FREM3: variants seen among roughly 807,000 people sequenced by gnomAD.
FREM3 encodes FRAS1 related extracellular matrix 3.
A neutral mutation model predicts 129.1 loss-of-function variants in FREM3; 105 were observed. The ratio of observed to expected loss-of-function variants is 0.81; its 90% CI spans 0.69 to 0.96. The LOEUF is 0.96. Among genes scored for constraint, FREM3 ranks in the 40% least tolerant of loss-of-function variants. The pLI, the probability that FREM3 is intolerant of heterozygous loss-of-function variation, is 0.00. For missense variants in FREM3, 2,593 were observed against 2,666.3 expected (o/e 0.97, Z 0.61); for synonymous variants, 1,014 against 1,044.9 (o/e 0.97, Z 0.57).
chr4:143,659,373 G>A (rs1739661698), intron 2 of FREM3, among the ~76,000 whole-genome samples: 2 of 151,924 alleles, frequency 1.3e-5, no homozygotes, highest in Non-Finnish European at 2.9e-5. Flanking sequence ...ATAGTTTACT[G>A]AGAATGATGA....
chr4:143,612,125 T>C (rs922677698), intron 5 of FREM3, among the ~76,000 whole-genome samples: 6 of 152,236 alleles, frequency 3.9e-5, no homozygotes, highest in Admixed American at 2.6e-4. Context: ...GATTCACCAA[T>C]GTAAATGCAC....
intron 1 of FREM3, among the ~76,000 whole-genome samples, chr4:143,694,746 T>C (rs1467899291): frequency 2.0e-5 from 3 of 152,258 alleles, no homozygotes; most frequent in Non-Finnish European, 4.4e-5. Flanking sequence ...TCATTTGCTT[T>C]AGAAGCAATT....
chr4:143,624,255 G>A lies in FREM3; in HGVS notation c.5506C>T (p.Gln1836Ter). The A allele has an allele frequency of 1.3e-6, 2 of 1,536,908 alleles. No homozygotes were observed. The highest frequency in any genetic ancestry group is 8.7e-7 in the Non-Finnish European group (1 of 1,146,618). ...CTCACCCTCCATGTGGCTGTAGTCTGTCCAGGATTGAACTGGATCTGTTTA... is the reference window on the plus strand; with the variant it reads ...CTCACCCTCCATGTGGCTGTAGTCTATCCAGGATTGAACTGGATCTGTTTA... ...TNKQIQFNPG[Q>*]TTATWRVRII... Residue 1836 changes from glutamine to a stop codon, truncating the protein, a stop_gained, in exon 4 of 8, where the codon CAG becomes TAG. Coordinates refer to ENST00000329798, the MANE Select transcript of FREM3 (RefSeq NM_001168235.2). LOFTEE classifies it high-confidence loss of function.
Position 143,577,752 on chromosome 4 carries a change from A to G in FREM3, c.6279T>C (p.Pro2093=), listed in dbSNP as rs1057316547. The change falls in exon 8 of 8, where the codon CCT becomes CCC. Residue 2093 remains proline (P), a synonymous_variant. Transcript: ENST00000329798. ...CAAACTTCTCTGGGCCTTCCAAGGT[A>G]GGCTGTCCCAGGTCATCAAGGATGG... ...QVTILDDLGQ[P]TLEGPEKFEL... is the part of the protein sequence containing the mutation. The G allele has an allele frequency of 2.6e-6, 4 of 1,537,216 alleles. No individual in the cohort carries two copies. The highest frequency in any genetic ancestry group is 3.5e-6 in the Non-Finnish European group (4 of 1,146,930).
chr4:143,640,961 G>C (rs1291526759), intron 2 of FREM3, among the ~76,000 whole-genome samples: 1 of 152,058 alleles, frequency 6.6e-6, no homozygotes. Context: ...TGGTCATATA[G>C]AGTTGTACTT....
intron 2 of FREM3, among the ~76,000 whole-genome samples, chr4:143,689,631 A>G (rs936740277): frequency 1.3e-5 from 2 of 152,142 alleles, no homozygotes; most frequent in South Asian, 2.1e-4. Flanking sequence ...GGAACCAACC[A>G]AAATGACCAT....
intron 2 of FREM3, among the ~76,000 whole-genome samples, chr4:143,663,705 A>T (rs1198089291): frequency 1.3e-5 from 2 of 152,110 alleles, no homozygotes; most frequent in South Asian, 2.1e-4. Flanking sequence ...CATTCTACCC[A>T]TCACTTTCAG....
chr4:143,649,024 A>G lies in FREM3; in HGVS notation c.5276-21264T>C, dbSNP rs1003432679. On this transcript the variant is annotated intron_variant, in intron 2 of 7. Transcript: ENST00000329798. ...TGTGATCCTCCTGTCTTGGCTTCCA[A>G]AAGCACTGGGATCACAGGTATAAAC... 2.0e-5 allele frequency among the ~76,000 whole-genome samples: 3 copies of G among 152,238 alleles called. No homozygotes were observed. In the South Asian group the frequency reaches 6.2e-4, roughly 32 times the overall value.
intron 2 of FREM3, among the ~76,000 whole-genome samples, chr4:143,631,961 A>G (rs1739147999): frequency 6.6e-6 from 1 of 152,176 alleles, no homozygotes; most frequent in African/African-American, 2.4e-5. Flanking sequence ...AGTAATTCTG[A>G]TAACCTAAAA....
In FREM3 at chr4:143,700,062, G is replaced by A; in HGVS notation, c.614C>T (p.Thr205Ile). ...AAGTGGGGTAAGCCGGCACCTGCGGGTGGCCGTGGCTCCAGACTTCAGGGA... is the reference window on the plus strand; with the variant it reads ...AAGTGGGGTAAGCCGGCACCTGCGGATGGCCGTGGCTCCAGACTTCAGGGA... ...FASLKSGATA[T>I]RRCRLTPLPH... The change falls in exon 1 of 8, where the codon ACC becomes ATC. Residue 205 changes from threonine (T) to isoleucine (I), a missense_variant. Physicochemically the swap from Thr to Ile is moderately conservative, Grantham distance 89. This residue lies in a region of FREM3 where 2,276 missense variants were observed against 2,267.2 expected (regional missense o/e 1.00). Coordinates refer to ENST00000329798, the MANE Select transcript of FREM3 (RefSeq NM_001168235.2). 1.3e-6 allele frequency: 2 copies of A among 1,523,532 alleles called. No individual in the cohort carries two copies. The highest frequency in any genetic ancestry group is 1.8e-6 in the Non-Finnish European group (2 of 1,137,172). The allele number at this position is 1,523,532 out of a possible 1,614,324, so 94.4% of individuals were successfully genotyped here. A position where few individuals can be genotyped will look rare whatever the true frequency, so the allele number is the denominator to read the frequency against.
At chr4:143,636,042 A>C (rs565281717) in intron 2 of FREM3, among the ~76,000 whole-genome samples, 1 of 152,226 alleles carries the variant, frequency 6.6e-6, no homozygotes, top group East Asian at 1.9e-4. Flanking sequence ...GTGCAAAGAA[A>C]CATTGTGTGT....
intron 2 of FREM3, among the ~76,000 whole-genome samples, chr4:143,641,396 AC>A (rs1171984777): frequency 2.6e-4 from 39 of 152,356 alleles, no homozygotes; most frequent in African/African-American, 9.4e-4. Flanking sequence ...AAGTGTATTC[AC>A]TAACAATTGT....
chr4:143,689,221 A>C (rs891234187), intron 2 of FREM3, among the ~76,000 whole-genome samples: 2 of 152,174 alleles, frequency 1.3e-5, no homozygotes, highest in African/African-American at 4.8e-5. Context: ...GCTTAAGGAC[A>C]TGAATAGACA....
chr4:143,620,243 A>G (rs1462247065), intron 5 of FREM3, among the ~76,000 whole-genome samples: 3 of 152,176 alleles, frequency 2.0e-5, no homozygotes, highest in Non-Finnish European at 4.4e-5. Flanking sequence ...TCCCAGGCCA[A>G]CAGCTTCCAA....
intron 7 of FREM3, among the ~76,000 whole-genome samples, chr4:143,578,677 T>C (rs1738081901): frequency 6.6e-6 from 1 of 152,242 alleles, no homozygotes; most frequent in Admixed American, 6.5e-5. Context: ...ATCTTTGTGA[T>C]ATTCCTGCTA....
In FREM3 at chr4:143,696,741, T is replaced by C. The variant is rs1393386652; in HGVS notation, c.3935A>G (p.Asn1312Ser). 2.0e-6 allele frequency: 3 copies of C among 1,537,926 alleles called. No homozygotes were observed. The highest frequency in any genetic ancestry group is 2.4e-5 in the South Asian group (2 of 84,052). Residue 1312 changes from asparagine to serine, a missense_variant, in exon 1 of 8, where the codon AAC becomes AGC. Coordinates refer to ENST00000329798, the MANE Select transcript of FREM3 (RefSeq NM_001168235.2). ...VDDETPHLTV[N>S]NGLKVEKGHS... The stretch of plus-strand genomic sequence containing the variant: ...TCCTTTCTCTACCTTCAGCCCATTG[T>C]TGACAGTCAGGTGAGGAGTTTCATC...
intron 2 of FREM3, among the ~76,000 whole-genome samples, chr4:143,668,447 T>G (rs1011344662): frequency 6.6e-6 from 1 of 152,244 alleles, no homozygotes; most frequent in Non-Finnish European, 1.5e-5. Flanking sequence ...AGCAGAAACT[T>G]CTGTTTGCAT....
At chr4:143,640,683 T>C (rs1335516617) in intron 2 of FREM3, among the ~76,000 whole-genome samples, 2 of 152,078 alleles carry the variant, frequency 1.3e-5, no homozygotes, top group Non-Finnish European at 2.9e-5. Context: ...AAGAAAGAAT[T>C]TTAGTAATAT....
chr4:143,654,889 A>G (rs549172797), intron 2 of FREM3, among the ~76,000 whole-genome samples: 1 of 152,350 alleles, frequency 6.6e-6, no homozygotes, highest in South Asian at 2.1e-4. Flanking sequence ...ACTGTAAAGT[A>G]AGAGCATGTT....
Sources: allele counts gnomAD v4.1 joint callset (sites outside exome capture counted in the v4.1 genomes callset), GRCh38; gene constraint gnomAD v4.1.1; regional missense constraint gnomAD v4.1.1; transcripts MANE v1.5; gene names NCBI Gene and HGNC (gene_info 2026-07-23, HGNC 2026-07-21).